The following MAGI1 variants were observed in gnomAD, a reference collection of about 807,000 sequenced individuals.
The protein encoded by MAGI1 is membrane-associated guanylate kinase, WW and PDZ domain-containing protein 1.
Under a neutral mutation model 139.9 loss-of-function variants are expected in MAGI1, and 58 were observed. That is an observed-to-expected ratio of 0.41 (90% CI 0.34 to 0.52). MAGI1 has a LOEUF of 0.52. Ranked by LOEUF, MAGI1 falls within the 20% of genes least tolerant of loss-of-function variation. MAGI1 has a pLI of 0.12. For missense variants in MAGI1, 1,874 were observed against 1,901.6 expected, an observed-to-expected ratio of 0.99 and a Z score of 0.27; for synonymous variants, 812 against 737.9, an observed-to-expected ratio of 1.10 and a Z score of -1.63.
At chr3:65,991,479 T>C (rs573843563) in intron 1 of MAGI1, among the ~76,000 whole-genome samples, 2 of 152,262 alleles carry the variant, frequency 1.3e-5, no homozygotes, top group South Asian at 2.1e-4. Context: ...AGTGTACTTA[T>C]GAAACCTAGG....
chr3:65,668,567 T>TTTTC (rs2086666225), intron 1 of MAGI1, among the ~76,000 whole-genome samples: 1 of 138,388 alleles, frequency 7.2e-6, no homozygotes, highest in South Asian at 2.5e-4. Flanking sequence ...TTTTTCTTTT[T>TTTTC]TTTTTTTTTT....
rs1051766633 is a variant in MAGI1, at chr3:66,038,874, C to G, written c.-566G>C. 1 of 152,112 alleles carries G rather than the reference C, an allele frequency of 6.6e-6. No individual in the cohort carries two copies. Among genetic ancestry groups the G allele is most frequent in the Non-Finnish European group, 1.5e-5 (1 of 68,054 alleles). The allele number at this position is 152,112 out of a possible 1,614,324, so 9.4% of individuals were successfully genotyped here. ...TGTTTTGTTACAGTTCATTCTATTC[C>G]GCGCCGCGGAGCGCAGCGGCCGGCG... On this transcript the variant is annotated 5_prime_UTR_variant, in exon 1 of 23. Coordinates refer to ENST00000402939, the MANE Select transcript of MAGI1 (RefSeq NM_001033057.2).
intron 1 of MAGI1, among the ~76,000 whole-genome samples, chr3:65,938,170 A>T (rs2063150698): frequency 6.6e-6 from 1 of 151,922 alleles, no homozygotes; most frequent in African/African-American, 2.4e-5. Context: ...TCCATGAGAA[A>T]TAAAGAATTA....
intron 5 of MAGI1, among the ~76,000 whole-genome samples, chr3:65,467,901 T>C (rs1021468446): frequency 1.1e-4 from 16 of 152,314 alleles, no homozygotes; most frequent in African/African-American, 3.4e-4. Flanking sequence ...GGTATCCATT[T>C]TTATAACAAT....
At chr3:65,482,462 A>T (rs943142232) in intron 3 of MAGI1, among the ~76,000 whole-genome samples, 8 of 152,214 alleles carry the variant, frequency 5.3e-5, no homozygotes, top group Middle Eastern at 3.2e-3. Context: ...AAACCTGTCA[A>T]TAACCAAATA....
At position 65,391,356 on chromosome 3, in the gene MAGI1, T is replaced by C. The variant is rs1359864666; in HGVS notation, c.2202A>G (p.Gln734=). 3.1e-6 allele frequency: 5 copies of C among 1,613,852 alleles called. No individual in the cohort carries two copies. In the Admixed American group the frequency reaches 6.7e-5, roughly 22 times the overall value. Residue 734 remains glutamine (Q), a splice_region_variant and synonymous_variant, in exon 14 of 23, where the codon CAA becomes CAG. Coordinates refer to ENST00000402939, the MANE Select transcript of MAGI1 (RefSeq NM_001033057.2). ...LPVPKKSPKS[Q]PLERKDSQNS... ...TCTGGCTGTCTTTCCTTTCCAGTGG[T>C]TGCTGAAAGTAAGCAAGTGAGAGGG...
At chr3:65,469,089 T>A (rs1359145196) in intron 5 of MAGI1, among the ~76,000 whole-genome samples, 2 of 152,216 alleles carry the variant, frequency 1.3e-5, no homozygotes, top group Non-Finnish European at 2.9e-5. Context: ...CAAACCCAAC[T>A]GTTAATAGAT....
chr3:65,626,494 T>G (rs1482493867), intron 1 of MAGI1, among the ~76,000 whole-genome samples: 1 of 152,126 alleles, frequency 6.6e-6, no homozygotes, highest in East Asian at 1.9e-4. Context: ...TCAGCTATTT[T>G]TTAAATTTTT....
chr3:65,816,619 C>T (rs2041618496), intron 1 of MAGI1, among the ~76,000 whole-genome samples: 1 of 143,732 alleles, frequency 7.0e-6, no homozygotes, highest in Admixed American at 7.2e-5. Flanking sequence ...AAGTCAGATG[C>T]TCTGAGTAGC....
chr3:65,926,388 C>G (rs541428354), intron 1 of MAGI1, among the ~76,000 whole-genome samples: 1 of 142,228 alleles, frequency 7.0e-6, no homozygotes, highest in East Asian at 2.2e-4. Flanking sequence ...CCTCCCTACA[C>G]CTCCCTCTGT....
chr3:65,394,375 C>A (rs942211488), intron 13 of MAGI1, among the ~76,000 whole-genome samples: 1 of 152,150 alleles, frequency 6.6e-6, no homozygotes, highest in Non-Finnish European at 1.5e-5. Flanking sequence ...TAAATGCCAT[C>A]TAAACTTTAT....
chr3:65,631,932 G>A (rs2084336249), intron 1 of MAGI1, among the ~76,000 whole-genome samples: 1 of 151,916 alleles, frequency 6.6e-6, no homozygotes, highest in African/African-American at 2.4e-5. Context: ...GACTAAGGCA[G>A]GAGAATTGCT....
chr3:65,856,330 A>G (rs2059377950), intron 1 of MAGI1, among the ~76,000 whole-genome samples: 1 of 152,136 alleles, frequency 6.6e-6, no homozygotes, highest in African/African-American at 2.4e-5. Context: ...CTCTATACCA[A>G]TCAAATGCAC....
intron 1 of MAGI1, among the ~76,000 whole-genome samples, chr3:65,891,939 T>TATATAC (rs2060786981): frequency 2.0e-5 from 2 of 99,382 alleles, no homozygotes; most frequent in Admixed American, 1.1e-4. Context: ...TATATATATA[T>TATATAC]ATACCCGTGT....
rs56006662 is a variant in MAGI1 at position 65,722,265 on chromosome 3, G to T, written c.314-100177C>A. ...GTCACTATCCACCTTACCTAGATTT[G>T]TTTAAGAATTAAATGACCTAGTGAA... On this transcript the variant is annotated intron_variant, in intron 1 of 22. Transcript: ENST00000402939. 8.5e-3 allele frequency among the ~76,000 whole-genome samples: 1,294 copies of T among 152,230 alleles called. 20 individuals are homozygous for T. Among genetic ancestry groups the T allele is most frequent in the African/African-American group, 0.03 (1,255 of 41,514 alleles).
At chr3:65,557,661 C>T (rs9881819) in intron 2 of MAGI1, among the ~76,000 whole-genome samples, 16,620 of 152,196 alleles carry the variant, frequency 0.11, 1,353 homozygotes, top group African/African-American at 0.22. Flanking sequence ...TTGGTAATTA[C>T]GTATTTGTTT....
At chr3:65,726,545 G>A (rs77807323) in intron 1 of MAGI1, among the ~76,000 whole-genome samples, 4,469 of 152,226 alleles carry the variant, frequency 0.029, 204 homozygotes, top group African/African-American at 0.098. Flanking sequence ...CATTCACGAA[G>A]CCCAGAAATC....
intron 1 of MAGI1, among the ~76,000 whole-genome samples, chr3:65,940,746 T>G (rs545530292): frequency 6.6e-6 from 1 of 152,266 alleles, no homozygotes; most frequent in African/African-American, 2.4e-5. Context: ...GTAAACAAAA[T>G]AAATGTAACC....
At chr3:65,620,187 G>C (rs1203898568) in intron 2 of MAGI1, among the ~76,000 whole-genome samples, 1 of 152,138 alleles carries the variant, frequency 6.6e-6, no homozygotes, top group Non-Finnish European at 1.5e-5. Flanking sequence ...AATCTAAGTA[G>C]GGGAAAAATT....
Sources: allele counts gnomAD v4.1 joint callset (sites outside exome capture counted in the v4.1 genomes callset), GRCh38; gene constraint gnomAD v4.1.1; transcripts MANE v1.5; gene names NCBI Gene and HGNC (gene_info 2026-07-23, HGNC 2026-07-21).